Variants in ITGB4 observed in about 807,000 individuals in gnomAD.
ITGB4 encodes integrin subunit beta 4, also known as integrin beta-4.
Under a neutral mutation model 207.6 loss-of-function variants are expected in ITGB4, and 159 were observed. That is an observed-to-expected ratio of 0.77 (90% CI 0.67 to 0.87). The LOEUF is 0.87. Among genes scored for constraint, ITGB4 ranks in the 40% least tolerant of loss-of-function variants. The pLI is 0.00. For synonymous variants in ITGB4, 1,020 were observed against 1,062.7 expected (o/e 0.96, Z 0.78); for missense variants, 2,278 against 2,546.8 (o/e 0.89, Z 2.27).
Position 75,731,920 on chromosome 17 carries a change from G to A in ITGB4, c.1324G>A (p.Asp442Asn), listed in dbSNP as rs776586110. The A allele has an allele frequency of 7.4e-6, 12 of 1,613,924 alleles. No homozygotes were observed. Among genetic ancestry groups the A allele is most frequent in the South Asian group, 3.3e-5 (3 of 91,084 alleles). ...GNIHLKPSFSDGLKMDAGIIC... is the reference protein window; with the variant it reads ...GNIHLKPSFSNGLKMDAGIIC... ...CATCCATCTGAAACCTTCCTTCTCC[G>A]ACGGCCTCAAGATGGACGCGGGCAT... is the stretch of plus-strand genomic sequence containing the variant. The change falls in exon 11 of 40, where the codon GAC (aspartate) becomes AAC (asparagine). Residue 442 changes from aspartate to asparagine, a missense_variant. Transcript: ENST00000200181. The surrounding 1 kb of genome is among the most constrained non-coding windows in gnomAD (Gnocchi z 6.8).
chr17:75,748,915 G>T lies in ITGB4; in HGVS notation c.3186G>T (p.Leu1062=). Residue 1062 remains leucine (L), a synonymous_variant, in exon 27 of 40, where the codon CTG becomes CTT. Transcript: ENST00000200181. ...EAWKELQVKL[L]ELQEVDSLLR... is the part of the protein sequence containing the mutation. ...GGAAAGAGCTGCAGGTGAAGCTCCT[G>T]GAGCTGCAAGAAGTTGACTCCCTCC... The T allele has an allele frequency of 6.2e-7, 1 of 1,613,310 alleles. No homozygotes were observed. Among genetic ancestry groups the T allele is most frequent in the Non-Finnish European group, 8.5e-7 (1 of 1,179,950 alleles).
chr17:75,741,526 C>G (rs940038971), intron 23 of ITGB4, among the ~76,000 whole-genome samples: 1 of 152,186 alleles, frequency 6.6e-6, no homozygotes, highest in Non-Finnish European at 1.5e-5. Flanking sequence ...GAACCGTTGG[C>G]TGTGCGTGGT....
In ITGB4 at chr17:75,737,458, G is replaced by A; in HGVS notation, c.2113+14G>A. The A allele has an allele frequency of 6.4e-7, 1 of 1,553,156 alleles. No individual in the cohort carries two copies. Among genetic ancestry groups the A allele is most frequent in the Non-Finnish European group, 8.7e-7 (1 of 1,148,006 alleles). Reference sequence around the variant, plus strand: ...ACAAGAAGAAGGGTGAGCTGGTGGGGCCGGGCGCAGGGAGGGGGCGTGTGG... The same window carrying A: ...ACAAGAAGAAGGGTGAGCTGGTGGGACCGGGCGCAGGGAGGGGGCGTGTGG... On this transcript the variant is annotated intron_variant, in intron 17 of 39. Coordinates refer to ENST00000200181, the MANE Select transcript of ITGB4 (RefSeq NM_000213.5).
At position 75,739,049 on chromosome 17, in the gene ITGB4, A is replaced by C. The variant is rs1200057530; in HGVS notation, c.2221-623A>C. 2.0e-5 allele frequency among the ~76,000 whole-genome samples: 3 copies of C among 152,054 alleles called. No individual in the cohort carries two copies. The highest frequency in any genetic ancestry group is 4.4e-5 in the Non-Finnish European group (3 of 68,012). On this transcript the variant is annotated intron_variant, in intron 18 of 39. Coordinates refer to ENST00000200181, the MANE Select transcript of ITGB4 (RefSeq NM_000213.5). The surrounding 1 kb of genome is among the most constrained non-coding windows in gnomAD (Gnocchi z 5.4). The stretch of plus-strand genomic sequence containing the variant: ...AGTGGCTCACACTTGTAACCCCAGC[A>C]CTTTGGGAGGCCAAGGCGGGTGGAT...
rs2060772481 is a variant in ITGB4, at chr17:75,728,422, G to T, written c.515G>T (p.Gly172Val). ...QLTSDYTIGF[G>V]KFVDKVSVPQ... ...ACCAGCGACTACACTATTGGATTTGGCAAGTTTGTGGACAAAGTCAGCGTC... is the reference window on the plus strand; with the variant it reads ...ACCAGCGACTACACTATTGGATTTGTCAAGTTTGTGGACAAAGTCAGCGTC... The change falls in exon 6 of 40, where the codon GGC becomes GTC. Residue 172 changes from glycine to valine, a missense_variant. Physicochemically the swap from Gly to Val is moderately radical, Grantham distance 109. Transcript: ENST00000200181. The T allele has an allele frequency of 6.2e-7, 1 of 1,614,064 alleles. No individual in the cohort carries two copies.
At chr17:75,733,396 AT>A (rs2060905573) in intron 12 of ITGB4, 93 bp from the exon 13 acceptor site, 65 of 1,081,076 alleles carry the variant, frequency 6.0e-5, no homozygotes, top group Non-Finnish European at 7.8e-5. Flanking sequence ...AAAAAAAAAA[AT>A]AAAATAATTA....
rs1296862259 is a variant in ITGB4 at position 75,739,466 on chromosome 17, G to A, written c.2221-206G>A. ...GCACCCGGCAGGATGAGAGTTCCAC[G>A]GCGCAAACTTTGGGAACCCTCTGCC... is the stretch of plus-strand genomic sequence containing the variant. On this transcript the variant is annotated intron_variant, in intron 18 of 39. Coordinates refer to ENST00000200181, the MANE Select transcript of ITGB4 (RefSeq NM_000213.5). This position sits in a 1 kb window ranked among gnomAD's most constrained non-coding sequence, Gnocchi z 5.4. 1.3e-5 allele frequency among the ~76,000 whole-genome samples: 2 copies of A among 152,068 alleles called. No individual in the cohort carries two copies. The highest frequency in any genetic ancestry group is 6.6e-5 in the Admixed American group (1 of 15,264).
intron 26 of ITGB4, among the ~76,000 whole-genome samples, chr17:75,745,350 G>A (rs1401453861): frequency 6.6e-6 from 1 of 152,028 alleles, no homozygotes; most frequent in Admixed American, 6.5e-5. Flanking sequence ...CCATGTTCAT[G>A]CCACTGTACT....
intron 1 of ITGB4, among the ~76,000 whole-genome samples, chr17:75,721,990 A>G (rs375301969): frequency 8.5e-5 from 13 of 152,308 alleles, no homozygotes; most frequent in African/African-American, 2.2e-4. Context: ...ATGATAAACC[A>G]ACATTCCTGA....
At position 75,750,108 on chromosome 17, in the gene ITGB4, T is replaced by C; in HGVS notation, c.3317-3T>C. 3 of 1,613,532 alleles carry C rather than the reference T, an allele frequency of 1.9e-6. No individual in the cohort carries two copies. Among genetic ancestry groups the C allele is most frequent in the Non-Finnish European group, 2.5e-6 (3 of 1,180,010 alleles). ...GTTGCCCGGCCCCAACCTGACCCGT[T>C]AGATGAACTGGACCGGAGCTTCACG... On this transcript the variant is annotated splice_polypyrimidine_tract_variant and splice_region_variant and intron_variant, in intron 27 of 39. Coordinates refer to ENST00000200181, the MANE Select transcript of ITGB4 (RefSeq NM_000213.5). The surrounding 1 kb of genome is among the most constrained non-coding windows in gnomAD (Gnocchi z 5.5).
At position 75,730,953 on chromosome 17, in the gene ITGB4, G is replaced by T; in HGVS notation, c.1081G>T (p.Glu361Ter). The T allele has an allele frequency of 6.2e-7, 1 of 1,613,666 alleles. No individual in the cohort carries two copies. The highest frequency in any genetic ancestry group is 2.2e-5 in the East Asian group (1 of 44,880). Residue 361 changes from glutamate (E) to a stop codon, truncating the protein, a stop_gained, in exon 9 of 40, where the codon GAG becomes TAG. Coordinates refer to ENST00000200181, the MANE Select transcript of ITGB4 (RefSeq NM_000213.5). LOFTEE classifies it high-confidence loss of function. ...GTCCAACATCGTGGAGCTGCTGGAG[G>T]AGGCCTTCAATGTGAGGGCAGCTCA... is the stretch of plus-strand genomic sequence containing the variant. ...DSSNIVELLEEAFNRIRSNLD... is the reference protein window; with the variant it reads ...DSSNIVELLE
Position 75,732,099 on chromosome 17 carries a change from G to T in ITGB4, c.1378-64G>T. 6.2e-7 allele frequency: 1 copy of T among 1,607,448 alleles called. No homozygotes were observed. The highest frequency in any genetic ancestry group is 8.5e-7 in the Non-Finnish European group (1 of 1,174,424). On this transcript the variant is annotated intron_variant, in intron 11 of 39. Transcript: ENST00000200181. This position sits in a 1 kb window ranked among gnomAD's most constrained non-coding sequence, Gnocchi z 5.3. ...GTTTCCCGAGGCACACAGGAGAGCG[G>T]AAGTGTCCAGTGGCCCCGGTCCTGC...
At chr17:75,756,897 G>A in intron 37 of ITGB4, 38 bp downstream of exon 37, 5 of 1,612,354 alleles carry the variant, frequency 3.1e-6, no homozygotes, top group Non-Finnish European at 3.4e-6. Context: ...GCCAGGGGAG[G>A]GGTAAAGAGG....
chr17:75,755,556 A>T, intron 34 of ITGB4, 145 bp from the exon 35 acceptor site: 1 of 1,008,338 alleles, frequency 9.9e-7, no homozygotes, highest in African/African-American at 1.6e-5. Flanking sequence ...CAGCCTGGAC[A>T]GGGTGTTGCA....
intron 34 of ITGB4, chr17:75,755,326 A>AC: frequency 8.6e-7 from 1 of 1,164,312 alleles, no homozygotes; most frequent in Non-Finnish European, 1.2e-6. Flanking sequence ...CATCCACAGG[A>AC]CCCCCGCCTG....
In ITGB4 at chr17:75,740,981, G is replaced by A. The variant is rs1481896385; in HGVS notation, c.2610-1G>A. On this transcript the variant is annotated splice_acceptor_variant, in intron 22 of 39. Transcript: ENST00000200181. LOFTEE classifies it high-confidence loss of function. This position sits in a 1 kb window ranked among gnomAD's most constrained non-coding sequence, Gnocchi z 5.9. ...TCACAGCGCCCTCTTTGTCCCCACA[G>A]GCAGCAGCCCAATGCCGGGAAAAAG... is the stretch of plus-strand genomic sequence containing the variant. The A allele has an allele frequency of 1.2e-6, 2 of 1,613,836 alleles. No individual in the cohort carries two copies. Among genetic ancestry groups the A allele is most frequent in the Non-Finnish European group, 8.5e-7 (1 of 1,180,032 alleles).
chr17:75,739,979 A>G lies in ITGB4; in HGVS notation c.2354A>G (p.Lys785Arg). Residue 785 changes from lysine (K) to arginine (R), a missense_variant, in exon 20 of 40, where the codon AAG becomes AGG. Physicochemically the swap from Lys to Arg is conservative, Grantham distance 26 (BLOSUM62 2). Transcript: ENST00000200181. This position sits in a 1 kb window ranked among gnomAD's most constrained non-coding sequence, Gnocchi z 5.4. ...DTPMLRSGNL[K>R]GRDVVRWKVT... ...CCCATGCTGCGCAGCGGGAACCTCA[A>G]GGGCCGTGACGTGGTCCGCTGGAAG... 1.2e-6 allele frequency: 2 copies of G among 1,613,264 alleles called. No individual in the cohort carries two copies. The highest frequency in any genetic ancestry group is 1.7e-6 in the Non-Finnish European group (2 of 1,180,026).
intron 17 of ITGB4, 46 bp from the exon 18 acceptor site, chr17:75,737,492 C>G: frequency 6.4e-7 from 1 of 1,553,920 alleles, no homozygotes; most frequent in Middle Eastern, 1.7e-4. Context: ...GGCCAGAGCT[C>G]GGTGGGGAGG....
At position 75,757,400 on chromosome 17, in the gene ITGB4, G is replaced by GCCT; in HGVS notation, c.5330-7_5330-5dup. ...CAGACCCCAAGCCAGGTCATCTAAT[G>GCCT]CCTCCTCCTCCACAGATGGGCTGAC... is the stretch of plus-strand genomic sequence containing the variant. On this transcript the variant is annotated splice_polypyrimidine_tract_variant and intron_variant, in intron 39 of 39. Coordinates refer to ENST00000200181, the MANE Select transcript of ITGB4 (RefSeq NM_000213.5). The GCCT allele has an allele frequency of 6.2e-7, 1 of 1,613,002 alleles. No homozygotes were observed. The highest frequency in any genetic ancestry group is 8.5e-7 in the Non-Finnish European group (1 of 1,179,952).
Sources: gnomAD v4.1 joint callset for allele counts (sites outside exome capture counted in the v4.1 genomes callset) on GRCh38, gnomAD v4.1.1 for gene constraint, Gnocchi (gnomAD v3.1) non-coding constraint, MANE v1.5 for transcripts, NCBI Gene and HGNC (gene_info 2026-07-23, HGNC 2026-07-21) for gene names.